Variants in PRR14L observed in about 807,000 individuals in gnomAD.
The protein encoded by PRR14L is proline rich 14 like.
Under a neutral mutation model 155.0 loss-of-function variants are expected in PRR14L, and 80 were observed. The observed-to-expected ratio is 0.52, with a 90% CI of 0.43 to 0.62. The LOEUF (loss-of-function observed/expected upper bound fraction) is 0.62. Ranked by LOEUF, PRR14L falls within the 20% of genes least tolerant of loss-of-function variation. The pLI, the probability that PRR14L is intolerant of heterozygous loss-of-function variation, is 0.00. For synonymous variants in PRR14L, 883 were observed against 916.0 expected, an observed-to-expected ratio of 0.96 and a Z score of 0.65; for missense variants, 2,469 against 2,548.0, an observed-to-expected ratio of 0.97 and a Z score of 0.67.
At position 31,715,830 on chromosome 22, in the gene PRR14L, G is replaced by T. The variant is rs756997972; in HGVS notation, c.2009C>A (p.Ser670Tyr). The change falls in exon 4 of 9, where the codon TCT becomes TAT. Residue 670 changes from serine to tyrosine, a missense_variant. Physicochemically the swap from Ser to Tyr is moderately radical, Grantham distance 144. This residue lies in a region of PRR14L where 2,363 missense variants were observed against 2,371.6 expected (regional missense o/e 1.00). Transcript: ENST00000327423. ...CATCTCTTTGTTTAAATGCAGTAGA[G>T]AGTCAGTTGGCAAATTTGCATGTTC... ...SQEHANLPTD[S>Y]LLHLNKEMPL... 56 of 1,551,536 alleles carry T rather than the reference G, an allele frequency of 3.6e-5. No individual in the cohort carries two copies. In the African/African-American group the frequency reaches 6.8e-4, roughly 19 times the overall value.
At chr22:31,729,377 A>G (rs2074735636) in intron 2 of PRR14L, among the ~76,000 whole-genome samples, 1 of 151,812 alleles carries the variant, frequency 6.6e-6, no homozygotes, top group Non-Finnish European at 1.5e-5. Flanking sequence ...ACGCCCGGCT[A>G]ATTTTTTGTG....
intron 6 of PRR14L, 119 bp downstream of exon 6, chr22:31,703,431 C>A: frequency 1.1e-6 from 1 of 949,916 alleles, no homozygotes. Context: ...ACTCGGCTGA[C>A]ACTGAAGGTG....
rs1389051502 is a variant in PRR14L at position 31,703,678 on chromosome 22, C to G, written c.5872G>C (p.Val1958Leu). Residue 1958 changes from valine (V) to leucine (L), a missense_variant, in exon 6 of 9, where the codon GTA becomes CTA. Val to Leu is a conservative substitution (Grantham distance 32). Around this residue, in one of 2 missense-constraint regions of PRR14L, gnomAD observed 2,363 missense variants for 2,371.6 expected, o/e 1.00. Transcript: ENST00000327423. ...FPALVPKSCL[V>L]AESAVSKLLL... is the part of the protein sequence containing the mutation. ...AGCTTGCTGACAGCTGATTCTGCTA[C>G]CAAGCAAGACTTTGGTACCAAGGCA... 2 of 1,609,018 alleles carry G rather than the reference C, an allele frequency of 1.2e-6. No homozygotes were observed. Among genetic ancestry groups the G allele is most frequent in the Non-Finnish European group, 1.7e-6 (2 of 1,177,250 alleles).
At position 31,684,067 on chromosome 22, in the gene PRR14L, T is replaced by C. The variant is rs371708729; in HGVS notation, c.*1460A>G. ...AATGTTAATTCTCTAAACTCTTGTT[T>C]TGAGAGAGAAAGAGAAACCCCTAGA... On this transcript the variant is annotated 3_prime_UTR_variant, in exon 9 of 9. Coordinates refer to ENST00000327423, the MANE Select transcript of PRR14L (RefSeq NM_173566.3). 6.6e-6 allele frequency: 1 copy of C among 152,006 alleles called. No individual in the cohort carries two copies. Among genetic ancestry groups the C allele is most frequent in the Non-Finnish European group, 1.5e-5 (1 of 68,056 alleles). The allele number at this position is 152,006 out of a possible 1,614,324, so 9.4% of individuals were successfully genotyped here.
chr22:31,688,163 C>T lies in PRR14L; in HGVS notation c.6172G>A (p.Ala2058Thr), dbSNP rs780272371. 1.2e-6 allele frequency: 2 copies of T among 1,604,464 alleles called. No homozygotes were observed. The highest frequency in any genetic ancestry group is 1.1e-5 in the South Asian group (1 of 88,670). The change falls in exon 8 of 9, where the codon GCA becomes ACA. Residue 2058 changes from alanine to threonine, a missense_variant. Ala to Thr is a moderately conservative substitution (Grantham distance 58). Around this residue, in one of 2 missense-constraint regions of PRR14L, gnomAD observed 106 missense variants for 176.4 expected, o/e 0.60. Transcript: ENST00000327423. Reference sequence around the variant, plus strand: ...CCAGCTATAAGTACCTACCTGTTTGCAGGAGGAGATTTATAATTCTTGTTG... The same window carrying T: ...CCAGCTATAAGTACCTACCTGTTTGTAGGAGGAGATTTATAATTCTTGTTG... ...YTNKNYKSPP[A>T]NRCLETIFEE...
intron 1 of PRR14L, among the ~76,000 whole-genome samples, chr22:31,744,417 G>A (rs1247308047): frequency 6.6e-6 from 1 of 152,146 alleles, no homozygotes; most frequent in African/African-American, 2.4e-5. Flanking sequence ...ACAGGCGTGA[G>A]CCACTATGCC....
chr22:31,738,532 C>T lies in PRR14L; in HGVS notation c.329G>A (p.Arg110Lys). 6.4e-7 allele frequency: 1 copy of T among 1,552,034 alleles called. No individual in the cohort carries two copies. Among genetic ancestry groups the T allele is most frequent in the South Asian group, 1.2e-5 (1 of 84,064 alleles). Reference sequence around the variant, plus strand: ...CTCCATGCTCTCGCTTCTCTTTGCCCTATCCAAGATCCCAGATGCCACAGA... The same window carrying T: ...CTCCATGCTCTCGCTTCTCTTTGCCTTATCCAAGATCCCAGATGCCACAGA... ...GGSVASGILD[R>K]AKRSESMEPK... The change falls in exon 2 of 9, where the codon AGG (arginine) becomes AAG (lysine). Residue 110 changes from arginine to lysine, a missense_variant. Physicochemically the swap from Arg to Lys is conservative, Grantham distance 26 (BLOSUM62 2). Transcript: ENST00000327423.
intron 4 of PRR14L, among the ~76,000 whole-genome samples, chr22:31,711,776 C>CAAAAAAA (rs757790329): frequency 3.3e-4 from 16 of 48,710 alleles, no homozygotes; most frequent in South Asian, 1.0e-3. Context: ...AAGAGTTAAT[C>CAAAAAAA]AAAAAAAAAA....
intron 7 of PRR14L, among the ~76,000 whole-genome samples, chr22:31,701,090 C>A (rs2074561000): frequency 1.3e-5 from 2 of 151,856 alleles, no homozygotes; most frequent in African/African-American, 4.8e-5. Context: ...CAGGCTCAAG[C>A]GAATCTCCTG....
chr22:31,729,871 T>G (rs2074738335), intron 2 of PRR14L, among the ~76,000 whole-genome samples: 1 of 152,078 alleles, frequency 6.6e-6, no homozygotes, highest in Admixed American at 6.6e-5. Context: ...GTGCTTAATG[T>G]GACTGAACTG....
At chr22:31,700,251 T>C (rs1265038770) in intron 7 of PRR14L, among the ~76,000 whole-genome samples, 1 of 152,260 alleles carries the variant, frequency 6.6e-6, no homozygotes, top group African/African-American at 2.4e-5. Context: ...CAACTACTTA[T>C]TTATGTAAAC....
intron 2 of PRR14L, among the ~76,000 whole-genome samples, chr22:31,735,410 C>T (rs952674810): frequency 6.7e-6 from 1 of 148,452 alleles, no homozygotes; most frequent in Non-Finnish European, 1.5e-5. Flanking sequence ...CATTGCACTC[C>T]AGCCTGGGTG....
intron 4 of PRR14L, among the ~76,000 whole-genome samples, chr22:31,706,871 G>A (rs111810151): frequency 6.6e-6 from 1 of 152,232 alleles, no homozygotes; most frequent in Non-Finnish European, 1.5e-5. Context: ...CCAACCTGGT[G>A]AAATCCTGTC....
chr22:31,743,522 C>A (rs5998111), intron 1 of PRR14L, among the ~76,000 whole-genome samples: 1 of 151,940 alleles, frequency 6.6e-6, no homozygotes, highest in African/African-American at 2.4e-5. Flanking sequence ...AGAACCTGGC[C>A]GGGAGCGGTG....
intron 8 of PRR14L, among the ~76,000 whole-genome samples, chr22:31,687,033 TTC>T (rs1425155844): frequency 6.6e-6 from 1 of 152,184 alleles, no homozygotes; most frequent in Non-Finnish European, 1.5e-5. Flanking sequence ...TTGTTTATAC[TTC>T]TTTTTTCTTT....
At chr22:31,722,330 T>C (rs1181667455) in intron 3 of PRR14L, among the ~76,000 whole-genome samples, 2 of 149,484 alleles carry the variant, frequency 1.3e-5, no homozygotes, top group Non-Finnish European at 3.0e-5. Flanking sequence ...TATTTGAGGC[T>C]GAGGCAGGAG....
chr22:31,702,601 C>T (rs1405308158), intron 6 of PRR14L, among the ~76,000 whole-genome samples: 3 of 152,034 alleles, frequency 2.0e-5, no homozygotes, highest in Non-Finnish European at 2.9e-5. Flanking sequence ...CTGCAACTTC[C>T]ACCTCCTGGG....
intron 2 of PRR14L, among the ~76,000 whole-genome samples, chr22:31,731,565 CAAAAAAAAAAAA>C (rs55727852): frequency 8.1e-5 from 4 of 49,248 alleles, no homozygotes; most frequent in African/African-American, 1.3e-4. Flanking sequence ...GAGACTGTCT[CAAAAAAAAAAAA>C]AAAAAAAAAA....
intron 1 of PRR14L, among the ~76,000 whole-genome samples, chr22:31,746,963 ATTTTTTTAT>A (rs2074842018): frequency 6.6e-6 from 1 of 151,066 alleles, no homozygotes; most frequent in South Asian, 2.1e-4. Flanking sequence ...CGCCTGGCTA[ATTTTTTTAT>A]TTTTTTTATT....
Sources: gnomAD v4.1 joint callset for allele counts (sites outside exome capture counted in the v4.1 genomes callset) on GRCh38, gnomAD v4.1.1 for gene constraint, gnomAD v4.1.1 regional missense constraint, MANE v1.5 for transcripts, NCBI Gene and HGNC (gene_info 2026-07-23, HGNC 2026-07-21) for gene names.